The following PKHD1L1 variants were observed in gnomAD, a reference collection of about 807,000 sequenced individuals.
The protein encoded by PKHD1L1 is PKHD1 like 1, also known as fibrocystin-L.
Under a neutral mutation model 462.9 loss-of-function variants are expected in PKHD1L1, and 434 were observed. The ratio of observed to expected loss-of-function variants is 0.94; its 90% CI spans 0.87 to 1.02. The LOEUF is 1.02. PKHD1L1 is among the 50% of genes least tolerant of loss of function. The probability of loss-of-function intolerance (pLI) is 0.00; values close to 1 mark genes in which losing one functional copy is unlikely to be tolerated. For missense variants in PKHD1L1, 5,202 were observed against 5,096.1 expected, an observed-to-expected ratio of 1.02 and a Z score of -0.63; for synonymous variants, 1,781 against 1,750.0, an observed-to-expected ratio of 1.02 and a Z score of -0.44.
chr8:109,522,230 G>A lies in PKHD1L1; in HGVS notation c.12076G>A (p.Gly4026Arg). 1 of 1,605,078 alleles carries A rather than the reference G, an allele frequency of 6.2e-7. No individual in the cohort carries two copies. Among genetic ancestry groups the A allele is most frequent in the Non-Finnish European group, 8.5e-7 (1 of 1,172,940 alleles). The change falls in exon 74 of 78, where the codon GGA (glycine) becomes AGA (arginine). Residue 4026 changes from glycine to arginine, a missense_variant. Coordinates refer to ENST00000378402, the MANE Select transcript of PKHD1L1 (RefSeq NM_177531.6). ...SELQEIAGSL[G>R]QAVILGNISS... ...ACTCCAGGAAATTGCTGGTTCTCTTGGACAAGCTGTAATTTTAGGAAACAT... is the reference window on the plus strand; with the variant it reads ...ACTCCAGGAAATTGCTGGTTCTCTTAGACAAGCTGTAATTTTAGGAAACAT...
chr8:109,446,952 G>C (rs1390125663), intron 38 of PKHD1L1, among the ~76,000 whole-genome samples: 1 of 152,128 alleles, frequency 6.6e-6, no homozygotes, highest in Non-Finnish European at 1.5e-5. Context: ...GTCCAGGTGC[G>C]GTGGCTCACG....
chr8:109,517,924 G>A (rs1718238088), intron 72 of PKHD1L1, among the ~76,000 whole-genome samples: 2 of 152,048 alleles, frequency 1.3e-5, no homozygotes, highest in Non-Finnish European at 2.9e-5. Context: ...TGTCTATATA[G>A]CTAATTTTTA....
chr8:109,420,485 C>T (rs779993771), intron 22 of PKHD1L1, 33 bp from the exon 23 acceptor site: 7 of 1,397,692 alleles, frequency 5.0e-6, no homozygotes, highest in Admixed American at 2.9e-5. Context: ...GTTACTTTTA[C>T]ACCAACCTAA....
At chr8:109,482,919 T>C in intron 56 of PKHD1L1, 68 bp from the exon 57 acceptor site, 1 of 910,592 alleles carries the variant, frequency 1.1e-6, no homozygotes, top group Non-Finnish European at 1.6e-6. Flanking sequence ...ATGAACATTT[T>C]CATTTTATAC....
Position 109,466,576 on chromosome 8 carries a change from A to C in PKHD1L1, c.8414-2A>C. The C allele has an allele frequency of 6.4e-7, 1 of 1,566,984 alleles. No homozygotes were observed. The highest frequency in any genetic ancestry group is 8.6e-7 in the Non-Finnish European group (1 of 1,157,696). Reference sequence around the variant, plus strand: ...AACATATTTTGTTTGTTTGTTTCCCAGGGCACAAAGGACATACCGTCATTC... The same window carrying C: ...AACATATTTTGTTTGTTTGTTTCCCCGGGCACAAAGGACATACCGTCATTC... On this transcript the variant is annotated splice_acceptor_variant, in intron 49 of 77. Coordinates refer to ENST00000378402, the MANE Select transcript of PKHD1L1 (RefSeq NM_177531.6). LOFTEE classifies it high-confidence loss of function.
At chr8:109,421,171 C>G (rs1294103180) in intron 23 of PKHD1L1, among the ~76,000 whole-genome samples, 2 of 151,270 alleles carry the variant, frequency 1.3e-5, no homozygotes, top group Non-Finnish European at 2.9e-5. Flanking sequence ...TTAAATATTA[C>G]AAATATAATG....
intron 76 of PKHD1L1, among the ~76,000 whole-genome samples, chr8:109,526,101 G>C (rs1380812128): frequency 6.6e-6 from 1 of 152,068 alleles, no homozygotes; most frequent in Non-Finnish European, 1.5e-5. Flanking sequence ...TCAAAACTGT[G>C]GGAAGATTTA....
At chr8:109,476,838 T>A (rs1158035127) in intron 52 of PKHD1L1, among the ~76,000 whole-genome samples, 171 bp downstream of exon 52, 1 of 152,180 alleles carries the variant, frequency 6.6e-6, no homozygotes, top group African/African-American at 2.4e-5. Flanking sequence ...AGGTTTTGAG[T>A]TGAATTAAGA....
chr8:109,385,977 G>T (rs1211286492), intron 6 of PKHD1L1, among the ~76,000 whole-genome samples: 1 of 152,078 alleles, frequency 6.6e-6, no homozygotes, highest in Admixed American at 6.6e-5. Flanking sequence ...CTCATTTTGT[G>T]TATAAAAACA....
chr8:109,501,049 G>A (rs1819385308), intron 67 of PKHD1L1, among the ~76,000 whole-genome samples: 1 of 151,330 alleles, frequency 6.6e-6, no homozygotes, highest in African/African-American at 2.5e-5. Context: ...GAACTTCCAG[G>A]GATAATGGTG....
chr8:109,434,494 A>C lies in PKHD1L1; in HGVS notation c.3341-696A>C, dbSNP rs537966674. 1.6e-3 allele frequency among the ~76,000 whole-genome samples: 243 copies of C among 151,394 alleles called. 2 individuals are homozygous for C. The highest frequency in any genetic ancestry group is 4.9e-3 in the African/African-American group (204 of 41,240). On this transcript the variant is annotated intron_variant, in intron 28 of 77. Transcript: ENST00000378402. ...CTGTGTTTTTGTTTTTTTGAGATGG[A>C]GTCTCATTCTGTTGCCCAGGCTGGA...
rs745829196 is a variant in PKHD1L1 at position 109,419,098 on chromosome 8, T to C, written c.2362T>C (p.Trp788Arg). ...ACAAATTAATCAACCGTATTTCAGCTGGACTTACACTTGCATAGACCTTCT... is the reference window on the plus strand; with the variant it reads ...ACAAATTAATCAACCGTATTTCAGCCGGACTTACACTTGCATAGACCTTCT... The part of the protein sequence containing the change: ...FTYNFAYGNN[W>R]TYTCIDLLDL... The change falls in exon 22 of 78, where the codon TGG becomes CGG. Residue 788 changes from tryptophan to arginine, a missense_variant and splice_region_variant. Trp to Arg is a moderately radical substitution (Grantham distance 101, BLOSUM62 -3). Coordinates refer to ENST00000378402, the MANE Select transcript of PKHD1L1 (RefSeq NM_177531.6). The C allele has an allele frequency of 5.6e-6, 9 of 1,611,270 alleles. No individual in the cohort carries two copies. The highest frequency in any genetic ancestry group is 7.6e-6 in the Non-Finnish European group (9 of 1,178,124).
intron 50 of PKHD1L1, among the ~76,000 whole-genome samples, chr8:109,473,681 A>G (rs1817840297): frequency 6.6e-6 from 1 of 152,148 alleles, no homozygotes; most frequent in Non-Finnish European, 1.5e-5. Flanking sequence ...TCAAAACTCA[A>G]TAGCTTAAGC....
chr8:109,421,344 T>G (rs911568906), intron 23 of PKHD1L1, among the ~76,000 whole-genome samples: 1 of 152,062 alleles, frequency 6.6e-6, no homozygotes, highest in Non-Finnish European at 1.5e-5. Flanking sequence ...AAGTAAACAA[T>G]TTTATGATTA....
chr8:109,400,314 T>G lies in PKHD1L1; in HGVS notation c.1251T>G (p.Tyr417Ter). Residue 417 changes from tyrosine to a stop codon, truncating the protein, a stop_gained, in exon 13 of 78, where the codon TAT becomes TAG. Transcript: ENST00000378402. LOFTEE classifies it high-confidence loss of function. ...YIKGDDRYAIYFSQTGLPEDK... is the reference protein window; with the variant it reads ...YIKGDDRYAI ...AGGGTGATGACCGTTATGCTATTTA[T>G]TTTAGCCAGACTGGACTTCCAGAAG... The G allele has an allele frequency of 6.2e-7, 1 of 1,613,330 alleles. No individual in the cohort carries two copies. The highest frequency in any genetic ancestry group is 8.5e-7 in the Non-Finnish European group (1 of 1,179,422).
At chr8:109,404,456 C>A (rs75182450) in intron 14 of PKHD1L1, 98 bp from the exon 15 acceptor site, 1 of 679,082 alleles carries the variant, frequency 1.5e-6, no homozygotes, top group East Asian at 3.3e-5. Context: ...ATTTAACAGG[C>A]AGGCTTTTAA....
At chr8:109,459,460 G>A (rs1006691685) in intron 46 of PKHD1L1, 135 bp from the exon 47 acceptor site, 2 of 567,540 alleles carry the variant, frequency 3.5e-6, no homozygotes, top group South Asian at 5.5e-5. Context: ...TCTAATTTCT[G>A]TTCAGAATAT....
chr8:109,511,644 A>T (rs533422406), intron 71 of PKHD1L1, among the ~76,000 whole-genome samples: 2 of 151,870 alleles, frequency 1.3e-5, no homozygotes, highest in Non-Finnish European at 2.9e-5. Flanking sequence ...GAATAGTGCC[A>T]CAATAAACAT....
intron 59 of PKHD1L1, among the ~76,000 whole-genome samples, chr8:109,489,464 GA>G (rs1322277881): frequency 6.6e-6 from 1 of 151,892 alleles, no homozygotes; most frequent in Admixed American, 6.6e-5. Context: ...ATGATAAGCT[GA>G]CCAGCAGATA....
Sources: gnomAD v4.1 joint callset for allele counts (sites outside exome capture counted in the v4.1 genomes callset) on GRCh38, gnomAD v4.1.1 for gene constraint, MANE v1.5 for transcripts, NCBI Gene and HGNC (gene_info 2026-07-23, HGNC 2026-07-21) for gene names.